The following ZNF704 variants were observed in gnomAD, a reference collection of about 807,000 sequenced individuals.
The protein encoded by ZNF704 is glucocorticoid induced gene 1.
In ZNF704, 10 loss-of-function variants were observed where a neutral mutation model predicts 44.7. That is an observed-to-expected ratio of 0.22 (90% CI 0.14 to 0.38). ZNF704 has a LOEUF of 0.38. Ranked by LOEUF, ZNF704 falls within the 10% of genes least tolerant of loss-of-function variation. The pLI, the probability that ZNF704 is intolerant of heterozygous loss-of-function variation, is 1.00. For missense variants in ZNF704, 390 were observed against 545.5 expected, an observed-to-expected ratio of 0.71 and a Z score of 2.84; for synonymous variants, 211 against 207.6, an observed-to-expected ratio of 1.02 and a Z score of -0.14.
intron 2 of ZNF704, among the ~76,000 whole-genome samples, chr8:80,698,555 G>A (rs1585963107): frequency 6.6e-6 from 1 of 152,288 alleles, no homozygotes; most frequent in East Asian, 1.9e-4. Flanking sequence ...GTTGGGAGAG[G>A]TTGGGTAAGG....
chr8:80,861,991 CTTTTT>C (rs71266093), intron 1 of ZNF704, among the ~76,000 whole-genome samples: 160 of 92,936 alleles, frequency 1.7e-3, no homozygotes, highest in African/African-American at 7.9e-3. Context: ...AAAAAATAAC[CTTTTT>C]TTTTTTTTTT....
intron 2 of ZNF704, among the ~76,000 whole-genome samples, chr8:80,728,472 A>G (rs950847469): frequency 6.6e-6 from 1 of 152,218 alleles, no homozygotes; most frequent in African/African-American, 2.4e-5. Context: ...TGCATTAGAC[A>G]TGCAATTTTG....
intron 6 of ZNF704, among the ~76,000 whole-genome samples, chr8:80,660,696 T>A (rs1030385080): frequency 6.6e-6 from 1 of 152,004 alleles, no homozygotes; most frequent in Non-Finnish European, 1.5e-5. Context: ...GGAAAGGACA[T>A]CCTCTTCAAT....
chr8:80,660,607 C>A (rs1478498855), intron 6 of ZNF704, among the ~76,000 whole-genome samples: 3 of 151,800 alleles, frequency 2.0e-5, no homozygotes, highest in African/African-American at 7.3e-5. Flanking sequence ...ACCAATGGAG[C>A]AAAACAGGGA....
intron 2 of ZNF704, among the ~76,000 whole-genome samples, chr8:80,764,534 G>A (rs970216403): frequency 6.6e-6 from 1 of 152,156 alleles, no homozygotes; most frequent in Non-Finnish European, 1.5e-5. Flanking sequence ...TTTGGATGGG[G>A]ACAGAGAACT....
intron 1 of ZNF704, among the ~76,000 whole-genome samples, chr8:80,864,043 A>G (rs1289055861): frequency 6.6e-6 from 1 of 152,198 alleles, no homozygotes; most frequent in East Asian, 1.9e-4. Flanking sequence ...AGTGTTCTCT[A>G]CCAGTTTTTA....
At chr8:80,698,971 G>A (rs1280083415) in intron 2 of ZNF704, among the ~76,000 whole-genome samples, 3 of 152,102 alleles carry the variant, frequency 2.0e-5, no homozygotes, top group Non-Finnish European at 4.4e-5. Context: ...TTACACCTTG[G>A]AGAGCCATAA....
intron 2 of ZNF704, among the ~76,000 whole-genome samples, chr8:80,699,834 C>T (rs1319094301): frequency 7.9e-6 from 1 of 126,036 alleles, no homozygotes; most frequent in East Asian, 1.9e-4. Flanking sequence ...CTTCTCTCCC[C>T]ACCCACTCTG....
At chr8:80,703,459 C>A (rs1008786569) in intron 2 of ZNF704, among the ~76,000 whole-genome samples, 1 of 152,054 alleles carries the variant, frequency 6.6e-6, no homozygotes, top group African/African-American at 2.4e-5. Context: ...CTAGCACAAA[C>A]CCTTGCTTAG....
chr8:80,670,706 C>T (rs972555464), intron 4 of ZNF704, 103 bp from the exon 5 acceptor site: 35 of 764,204 alleles, frequency 4.6e-5, no homozygotes, highest in Non-Finnish European at 1.3e-5. Context: ...AAAGTAGCAG[C>T]ATCCCCAGCC....
At chr8:80,821,002 A>G (rs1276014194) in intron 2 of ZNF704, among the ~76,000 whole-genome samples, 1 of 152,200 alleles carries the variant, frequency 6.6e-6, no homozygotes, top group Non-Finnish European at 1.5e-5. Context: ...TAGTTTACCA[A>G]CCTCTGACCA....
intron 7 of ZNF704, among the ~76,000 whole-genome samples, chr8:80,647,753 G>C (rs1817855878): frequency 6.6e-6 from 1 of 152,156 alleles, no homozygotes; most frequent in African/African-American, 2.4e-5. Flanking sequence ...CCAGGTTCTG[G>C]CCCAAGTGGC....
chr8:80,852,143 A>C (rs184147038), intron 1 of ZNF704, among the ~76,000 whole-genome samples: 4 of 152,176 alleles, frequency 2.6e-5, no homozygotes, highest in African/African-American at 4.8e-5. Context: ...AATGTTCAAC[A>C]TACTTTGCAC....
intron 2 of ZNF704, among the ~76,000 whole-genome samples, chr8:80,708,595 T>C (rs1818932704): frequency 6.6e-6 from 1 of 152,262 alleles, no homozygotes; most frequent in African/African-American, 2.4e-5. Context: ...AAAGTGATTG[T>C]ATAGCTATCA....
intron 2 of ZNF704, among the ~76,000 whole-genome samples, chr8:80,721,010 G>A (rs1208407467): frequency 6.6e-6 from 1 of 152,168 alleles, no homozygotes; most frequent in African/African-American, 2.4e-5. Flanking sequence ...CATTCGCATT[G>A]TGTGACCACC....
chr8:80,814,944 A>G (rs530356900), intron 2 of ZNF704, among the ~76,000 whole-genome samples: 9 of 152,336 alleles, frequency 5.9e-5, no homozygotes, highest in African/African-American at 2.2e-4. Context: ...TGTCTAAAGT[A>G]CATAAAAGAA....
At chr8:80,828,660 G>T (rs1293647880) in intron 1 of ZNF704, among the ~76,000 whole-genome samples, 3 of 152,196 alleles carry the variant, frequency 2.0e-5, no homozygotes, top group African/African-American at 7.2e-5. Context: ...TAATCAAATA[G>T]ATTTAGATTT....
chr8:80,822,746 G>T (rs953590733), intron 1 of ZNF704, among the ~76,000 whole-genome samples: 2 of 152,252 alleles, frequency 1.3e-5, no homozygotes, highest in South Asian at 4.1e-4. Context: ...ATTCTAACTG[G>T]TGTGAGATGG....
upstream of ZNF704, among the ~76,000 whole-genome samples, chr8:80,878,731 A>G (rs1248180272): frequency 6.6e-6 from 1 of 152,230 alleles, no homozygotes; most frequent in Non-Finnish European, 1.5e-5. Context: ...CTCCACCCAG[A>G]TAAATGTTTC....
Sources: allele counts gnomAD v4.1 joint callset (sites outside exome capture counted in the v4.1 genomes callset), GRCh38; gene constraint gnomAD v4.1.1; transcripts MANE v1.5; gene names NCBI Gene and HGNC (gene_info 2026-07-23, HGNC 2026-07-21).